ERC2: variants seen among roughly 807,000 people sequenced by gnomAD.
ERC2 encodes ERC protein 2.
ERC2 carries 42 observed loss-of-function variants against 114.8 expected under a neutral mutation model. That is an observed-to-expected ratio of 0.37 (90% CI 0.29 to 0.47). The LOEUF is 0.47. Among genes scored for constraint, ERC2 ranks in the 20% least tolerant of loss-of-function variants. The probability of loss-of-function intolerance (pLI) is 0.99; values close to 1 mark genes in which losing one functional copy is unlikely to be tolerated. For missense variants in ERC2, 939 were observed against 1,150.7 expected (o/e 0.82, Z 2.66); for synonymous variants, 454 against 425.5 (o/e 1.07, Z -0.82).
At chr3:55,889,456 G>T (rs2063506410) in intron 13 of ERC2, among the ~76,000 whole-genome samples, 1 of 152,126 alleles carries the variant, frequency 6.6e-6, no homozygotes, top group Admixed American at 6.5e-5. Context: ...ATACACCATA[G>T]AAATAAGCCA....
At chr3:56,061,340 T>G (rs531897851) in intron 7 of ERC2, among the ~76,000 whole-genome samples, 1 of 152,340 alleles carries the variant, frequency 6.6e-6, no homozygotes, top group East Asian at 1.9e-4. Context: ...TCTATTGACC[T>G]TGTAAGCATT....
intron 2 of ERC2, among the ~76,000 whole-genome samples, chr3:56,418,295 C>CAAA (rs57185789): frequency 2.7e-5 from 2 of 75,208 alleles, no homozygotes; most frequent in Admixed American, 1.5e-4. Flanking sequence ...GATCCTGTCT[C>CAAA]AAAAAAAAAA....
chr3:55,525,926 C>T (rs1002603335), intron 17 of ERC2, among the ~76,000 whole-genome samples: 12 of 152,100 alleles, frequency 7.9e-5, no homozygotes, highest in African/African-American at 2.4e-4. Flanking sequence ...AAGTCCTAAC[C>T]GCTAGTAAAT....
intron 6 of ERC2, 68 bp downstream of exon 6, chr3:56,139,441 T>G: frequency 6.7e-7 from 1 of 1,495,638 alleles, no homozygotes; most frequent in Non-Finnish European, 9.1e-7. Context: ...GGAGGAAAGT[T>G]GTTCAGGTAG....
intron 17 of ERC2, among the ~76,000 whole-genome samples, chr3:55,604,803 G>T (rs2058570450): frequency 6.6e-6 from 1 of 152,174 alleles, no homozygotes; most frequent in Non-Finnish European, 1.5e-5. Context: ...CTGGATGGTA[G>T]GGCCATACGT....
At chr3:56,199,432 G>C (rs1280593163) in intron 3 of ERC2, among the ~76,000 whole-genome samples, 1 of 151,988 alleles carries the variant, frequency 6.6e-6, no homozygotes, top group African/African-American at 2.4e-5. Context: ...TTAAGGGTTA[G>C]ATCATGAGAA....
intron 2 of ERC2, among the ~76,000 whole-genome samples, chr3:56,367,844 G>A (rs189773881): frequency 6.6e-6 from 1 of 151,636 alleles, no homozygotes; most frequent in East Asian, 1.9e-4. Context: ...AGCTGAGATG[G>A]GAGGACTGTT....
intron 16 of ERC2, among the ~76,000 whole-genome samples, chr3:55,689,879 T>G (rs1043798621): frequency 4.6e-5 from 7 of 152,072 alleles, no homozygotes; most frequent in Admixed American, 3.9e-4. Flanking sequence ...AGGTTTGCTG[T>G]GCAAATTAAA....
At position 56,290,587 on chromosome 3, in the gene ERC2, T is replaced by G. The variant is rs563064389; in HGVS notation, c.1074+5432A>C. On this transcript the variant is annotated intron_variant, in intron 3 of 17. Transcript: ENST00000288221. ...TGCCTGCATCAGCAAAATCATGGCT[T>G]AGGTCAGCAGAACTAGGGACAAGCA... Among the ~76,000 whole-genome samples, 55 of 152,310 alleles carry G rather than the reference T, an allele frequency of 3.6e-4. 1 individual carries two copies. In the South Asian group the frequency reaches 0.011, roughly 30 times the overall value.
At chr3:56,238,452 G>C (rs2051108958) in intron 3 of ERC2, among the ~76,000 whole-genome samples, 2 of 152,206 alleles carry the variant, frequency 1.3e-5, no homozygotes, top group Admixed American at 1.3e-4. Context: ...TGGGGAGCTT[G>C]AGCAGGTCAT....
intron 14 of ERC2, among the ~76,000 whole-genome samples, chr3:55,799,464 T>TATATATATATGC (rs1311954341): frequency 1.5e-4 from 21 of 137,904 alleles, no homozygotes; most frequent in Middle Eastern, 3.6e-3. Context: ...TATATATATA[T>TATATATATATGC]ATATATATAT....
intron 17 of ERC2, among the ~76,000 whole-genome samples, chr3:55,598,021 G>C (rs1423566275): frequency 6.6e-6 from 1 of 152,208 alleles, no homozygotes; most frequent in East Asian, 1.9e-4. Flanking sequence ...TAACGACAGA[G>C]CCTGATTTCT....
chr3:56,237,744 G>A (rs1402395334), intron 3 of ERC2, among the ~76,000 whole-genome samples: 1 of 152,130 alleles, frequency 6.6e-6, no homozygotes, highest in Non-Finnish European at 1.5e-5. Context: ...ACAGGAAGGT[G>A]TTTTGATAGC....
chr3:55,846,826 G>C (rs1479591768), intron 14 of ERC2, among the ~76,000 whole-genome samples: 1 of 152,104 alleles, frequency 6.6e-6, no homozygotes, highest in African/African-American at 2.4e-5. Context: ...AGCCCTTAAT[G>C]AGATATTTGC....
chr3:56,181,002 AT>A (rs2083260562), intron 3 of ERC2, among the ~76,000 whole-genome samples: 1 of 152,190 alleles, frequency 6.6e-6, no homozygotes, highest in African/African-American at 2.4e-5. Context: ...ACAGTACGCT[AT>A]TTTTTAACTT....
At chr3:56,032,913 A>AAGAGAGAGAGAC (rs1560056254) in intron 7 of ERC2, among the ~76,000 whole-genome samples, 4 of 68,700 alleles carry the variant, frequency 5.8e-5, no homozygotes, top group East Asian at 3.7e-4. Flanking sequence ...GAAAGAAAGA[A>AAGAGAGAGAGAC]AGAAAGAAAG....
intron 2 of ERC2, among the ~76,000 whole-genome samples, chr3:56,389,379 C>T (rs1376426477): frequency 6.6e-6 from 1 of 152,150 alleles, no homozygotes; most frequent in Non-Finnish European, 1.5e-5. Context: ...GTCAGTGTCA[C>T]AGAAAGAACA....
At chr3:56,247,614 A>T (rs1360554668) in intron 3 of ERC2, among the ~76,000 whole-genome samples, 1 of 152,210 alleles carries the variant, frequency 6.6e-6, no homozygotes, top group African/African-American at 2.4e-5. Context: ...CTTTCTTACA[A>T]CTATTGAAGA....
intron 14 of ERC2, among the ~76,000 whole-genome samples, chr3:55,799,414 ATATATATG>A (rs1256954707): frequency 3.8e-5 from 5 of 130,878 alleles, no homozygotes; most frequent in Non-Finnish European, 1.5e-5. Flanking sequence ...TATATGCCTT[ATATATATG>A]CATATATATA....
Sources: gnomAD v4.1 joint callset for allele counts (sites outside exome capture counted in the v4.1 genomes callset) on GRCh38, gnomAD v4.1.1 for gene constraint, MANE v1.5 for transcripts, NCBI Gene and HGNC (gene_info 2026-07-23, HGNC 2026-07-21) for gene names.